Variants in RASGRF2 observed in about 807,000 individuals in gnomAD.
RASGRF2 encodes Ras protein specific guanine nucleotide releasing factor 2, also known as ras-specific guanine nucleotide-releasing factor 2.
Under a neutral mutation model 151.0 loss-of-function variants are expected in RASGRF2, and 76 were observed. The ratio of observed to expected loss-of-function variants is 0.50; its 90% CI spans 0.42 to 0.61. The LOEUF (loss-of-function observed/expected upper bound fraction) is 0.61, where lower values mean the gene tolerates loss of function less well. RASGRF2 is among the 20% of genes least tolerant of loss of function. RASGRF2 has a pLI of 0.00. For synonymous variants in RASGRF2, 504 were observed against 566.5 expected (o/e 0.89, Z 1.57); for missense variants, 1,148 against 1,564.6 (o/e 0.73, Z 4.49).
intron 18 of RASGRF2, among the ~76,000 whole-genome samples, chr5:81,198,690 C>T (rs1393698381): frequency 2.6e-5 from 4 of 152,222 alleles, no homozygotes; most frequent in African/African-American, 9.6e-5. Context: ...CCGCCCGCCT[C>T]AGCCTCCCAA....
chr5:81,164,963 A>T (rs13361589), intron 17 of RASGRF2, among the ~76,000 whole-genome samples: 6 of 152,130 alleles, frequency 3.9e-5, no homozygotes, highest in African/African-American at 1.5e-4. Flanking sequence ...CACTAAAACG[A>T]TAGAAATCGA....
At chr5:81,177,853 A>C (rs970799246) in intron 17 of RASGRF2, among the ~76,000 whole-genome samples, 4 of 152,194 alleles carry the variant, frequency 2.6e-5, no homozygotes, top group African/African-American at 9.7e-5. Flanking sequence ...CAGTATGTGC[A>C]AAGGCCCTGG....
Position 81,113,542 on chromosome 5 carries a change from T to C in RASGRF2, c.2092T>C (p.Leu698=), listed in dbSNP as rs777720326. ...CACTTTTGCTCTCATTTTTAGGTCA[T>C]TGGAATTGTTTTTTGCTACCAGCCA... is the stretch of plus-strand genomic sequence containing the variant. The part of the protein sequence containing the change: ...RPFTSIPVRS[L]ELFFATSQNN... The change falls in exon 15 of 27, where the codon TTG becomes CTG. Residue 698 remains leucine (L), a synonymous_variant. Transcript: ENST00000265080. 6.2e-7 allele frequency: 1 copy of C among 1,607,982 alleles called. No homozygotes were observed. The highest frequency in any genetic ancestry group is 1.1e-5 in the South Asian group (1 of 90,800).
At position 81,068,173 on chromosome 5, in the gene RASGRF2, A is replaced by T. The variant is rs889570725; in HGVS notation, c.537A>T (p.Lys179Asn). 2 of 1,608,966 alleles carry T rather than the reference A, an allele frequency of 1.2e-6. No individual in the cohort carries two copies. Among genetic ancestry groups the T allele is most frequent in the African/African-American group, 2.7e-5 (2 of 74,632 alleles). ...EDQDTEIERLKSEIIALNKTK... is the reference protein window; with the variant it reads ...EDQDTEIERLNSEIIALNKTK... ...AAGACACAGAAATCGAAAGGCTTAA[A>T]TCAGAGGTATTTCCCAGTCAATAGA... Residue 179 changes from lysine to asparagine, a missense_variant, in exon 3 of 27, where the codon AAA (lysine) becomes AAT (asparagine). By Grantham distance (94) the Lys-to-Asn change is moderately conservative. Transcript: ENST00000265080.
At position 81,168,331 on chromosome 5, in the gene RASGRF2, G is replaced by T. The variant is rs1274831707; in HGVS notation, c.2687-11844G>T. ...TCTCTTTTTTTTTTTTTTTTTTTAA[G>T]ACAGAGTCTGGCTCTGTCGCCCAAG... On this transcript the variant is annotated intron_variant, in intron 17 of 26. Transcript: ENST00000265080. Among the ~76,000 whole-genome samples, 42 of 48,206 alleles carry T rather than the reference G, an allele frequency of 8.7e-4. No individual in the cohort carries two copies. In the South Asian group the frequency reaches 0.011, roughly 12 times the overall value. 31.6% of individuals were successfully genotyped at this position (48,206 alleles called of 152,430 possible).
intron 17 of RASGRF2, among the ~76,000 whole-genome samples, chr5:81,169,759 T>C (rs1754600342): frequency 6.6e-6 from 1 of 152,160 alleles, no homozygotes; most frequent in Non-Finnish European, 1.5e-5. Context: ...TCACCAATGA[T>C]TCTTACCATC....
At chr5:81,160,117 G>A (rs1413019218) in intron 17 of RASGRF2, among the ~76,000 whole-genome samples, 1 of 151,992 alleles carries the variant, frequency 6.6e-6, no homozygotes, top group African/African-American at 2.4e-5. Context: ...GCAGGACTTC[G>A]TCTCTACAAA....
Position 81,113,891 on chromosome 5 carries a change from G to A in RASGRF2, c.2441G>A (p.Cys814Tyr), listed in dbSNP as rs375873010. The part of the protein sequence containing the change: ...ENVDNPRVDL[C>Y]NKLKRSIQKA... ...GTCGATAACCCACGCGTGGATCTGTGTAACAAGCTAAAACGAAGTATTCAA... is the reference window on the plus strand; with the variant it reads ...GTCGATAACCCACGCGTGGATCTGTATAACAAGCTAAAACGAAGTATTCAA... Residue 814 changes from cysteine (C) to tyrosine (Y), a missense_variant, in exon 15 of 27, where the codon TGT (cysteine) becomes TAT (tyrosine). Physicochemically the swap from Cys to Tyr is radical, Grantham distance 194. Around this residue, in one of 5 missense-constraint regions of RASGRF2, gnomAD observed 646 missense variants for 807.4 expected, o/e 0.80. Coordinates refer to ENST00000265080, the MANE Select transcript of RASGRF2 (RefSeq NM_006909.3). 2.5e-6 allele frequency: 4 copies of A among 1,613,994 alleles called. No individual in the cohort carries two copies. Among genetic ancestry groups the A allele is most frequent in the Non-Finnish European group, 3.4e-6 (4 of 1,179,908 alleles).
intron 15 of RASGRF2, among the ~76,000 whole-genome samples, chr5:81,119,271 T>C (rs1408166867): frequency 1.3e-5 from 2 of 152,254 alleles, no homozygotes; most frequent in Non-Finnish European, 2.9e-5. Context: ...TGATTTATAA[T>C]GAACAGAAAT....
intron 25 of RASGRF2, among the ~76,000 whole-genome samples, chr5:81,218,166 G>A (rs1319801586): frequency 3.3e-5 from 5 of 152,110 alleles, no homozygotes; most frequent in South Asian, 2.1e-4. Context: ...TTACAGGCCC[G>A]GCCCAATGTT....
intron 17 of RASGRF2, 71 bp from the exon 18 acceptor site, chr5:81,180,102 AAT>A (rs1355813401): frequency 2.2e-5 from 19 of 847,510 alleles, no homozygotes; most frequent in Admixed American, 1.5e-4. Flanking sequence ...AATGTCCTAA[AAT>A]ATATGACCTT....
chr5:80,991,124 G>A (rs2112262251), intron 1 of RASGRF2, among the ~76,000 whole-genome samples: 1 of 152,260 alleles, frequency 6.6e-6, no homozygotes, highest in South Asian at 2.1e-4. Context: ...ACAAAGATCT[G>A]CAAATCCCCT....
At chr5:81,065,560 G>A (rs1188907353) in intron 2 of RASGRF2, among the ~76,000 whole-genome samples, 2 of 152,124 alleles carry the variant, frequency 1.3e-5, no homozygotes, top group Non-Finnish European at 2.9e-5. Context: ...TTATTTTTGA[G>A]GGGTGTGAAG....
chr5:81,050,649 A>G (rs1750982009), intron 2 of RASGRF2, among the ~76,000 whole-genome samples: 1 of 152,170 alleles, frequency 6.6e-6, no homozygotes, highest in African/African-American at 2.4e-5. Context: ...ACACCAACAC[A>G]TCTTTCAGGA....
intron 1 of RASGRF2, among the ~76,000 whole-genome samples, chr5:81,012,881 T>C (rs1009314415): frequency 1.3e-5 from 2 of 152,024 alleles, no homozygotes; most frequent in African/African-American, 4.8e-5. Context: ...GGTCATCCAC[T>C]TTGGGTGGGA....
chr5:80,974,787 G>C (rs1250487182), intron 1 of RASGRF2, among the ~76,000 whole-genome samples: 2 of 152,176 alleles, frequency 1.3e-5, no homozygotes, highest in Non-Finnish European at 2.9e-5. Flanking sequence ...CAAACTAATA[G>C]TTGCCTGTAT....
In RASGRF2 at chr5:81,073,246, C is replaced by A. The variant is rs78527727; in HGVS notation, c.681C>A (p.Thr227=). 244 of 1,613,926 alleles carry A rather than the reference C, an allele frequency of 1.5e-4. No individual in the cohort carries two copies. The African/African-American group carries it at 3.0e-3, about 20-fold the overall frequency. The part of the protein sequence containing the change: ...RGWLCRRKWK[T]IVQDYICSPH... ...GGTTGTGCAGAAGGAAATGGAAGACCATCGTGCAGGATTACATTTGTTCTC... is the reference window on the plus strand; with the variant it reads ...GGTTGTGCAGAAGGAAATGGAAGACAATCGTGCAGGATTACATTTGTTCTC... Residue 227 remains threonine (T), a synonymous_variant, in exon 5 of 27, where the codon ACC becomes ACA. Coordinates refer to ENST00000265080, the MANE Select transcript of RASGRF2 (RefSeq NM_006909.3).
chr5:81,076,801 A>C (rs951153115), intron 5 of RASGRF2, among the ~76,000 whole-genome samples: 8 of 152,232 alleles, frequency 5.3e-5, no homozygotes, highest in Non-Finnish European at 7.3e-5. Flanking sequence ...GGATTCAGGA[A>C]TGTTGTATTA....
At chr5:81,030,049 A>G (rs908854391) in intron 1 of RASGRF2, among the ~76,000 whole-genome samples, 1 of 152,218 alleles carries the variant, frequency 6.6e-6, no homozygotes, top group Non-Finnish European at 1.5e-5. Context: ...AAGAAAGGGT[A>G]TCAGTGATTG....
Sources: allele counts gnomAD v4.1 joint callset (sites outside exome capture counted in the v4.1 genomes callset), GRCh38; gene constraint gnomAD v4.1.1; regional missense constraint gnomAD v4.1.1; transcripts MANE v1.5; gene names NCBI Gene and HGNC (gene_info 2026-07-23, HGNC 2026-07-21).